The following GSK3B variants were observed in gnomAD, a reference collection of about 807,000 sequenced individuals.
GSK3B encodes the protein glycogen synthase kinase-3 beta.
Under a neutral mutation model 56.4 loss-of-function variants are expected in GSK3B, and 15 were observed. The ratio of observed to expected loss-of-function variants is 0.27; its 90% CI spans 0.18 to 0.41. GSK3B has a LOEUF of 0.41. Ranked by LOEUF, GSK3B falls within the 10% of genes least tolerant of loss-of-function variation. The pLI is 1.00. For missense variants in GSK3B, 300 were observed against 513.4 expected (o/e 0.58, Z 4.02); for synonymous variants, 181 against 188.9 (o/e 0.96, Z 0.34).
chr3:119,912,692 A>T lies in GSK3B; in HGVS notation c.715+12T>A. The T allele has an allele frequency of 8.5e-7, 1 of 1,178,762 alleles. No individual in the cohort carries two copies. The highest frequency in any genetic ancestry group is 1.3e-5 in the South Asian group (1 of 74,642). The allele number at this position is 1,178,762 out of a possible 1,614,324, so 73.0% of individuals were successfully genotyped here. On this transcript the variant is annotated intron_variant, in intron 6 of 10. Coordinates refer to ENST00000264235, the MANE Select transcript of GSK3B (RefSeq NM_001146156.2). ...TAATAATTATGAGCATTATATTCAG[A>T]TTTGTACTTACCTATACTAGAGGTA...
chr3:120,092,962 G>C (rs937893156), intron 1 of GSK3B, among the ~76,000 whole-genome samples: 2 of 152,128 alleles, frequency 1.3e-5, no homozygotes, highest in African/African-American at 4.8e-5. Flanking sequence ...TTCTGCAAAT[G>C]TGCATAATGG....
intron 1 of GSK3B, among the ~76,000 whole-genome samples, chr3:120,079,763 TTA>T (rs1413080073): frequency 5.9e-5 from 9 of 152,162 alleles, no homozygotes; most frequent in African/African-American, 2.2e-4. Context: ...TCAACTGAAT[TTA>T]AATAGAATTA....
chr3:119,952,802 T>A (rs1034067390), intron 2 of GSK3B, among the ~76,000 whole-genome samples: 1 of 151,710 alleles, frequency 6.6e-6, no homozygotes, highest in Non-Finnish European at 1.5e-5. Context: ...AATAAAGACA[T>A]CCTCACACTT....
chr3:119,919,499 A>C (rs1043489681), intron 4 of GSK3B, among the ~76,000 whole-genome samples: 1 of 150,942 alleles, frequency 6.6e-6, no homozygotes, highest in African/African-American at 2.4e-5. Context: ...CTGGCCTCTG[A>C]AAGCGCTGTG....
chr3:119,989,920 A>C (rs1490817580), intron 2 of GSK3B, among the ~76,000 whole-genome samples: 1 of 152,148 alleles, frequency 6.6e-6, no homozygotes, highest in Non-Finnish European at 1.5e-5. Context: ...TCCATCCCCT[A>C]GTCAGCAGGA....
chr3:119,866,606 A>G, intron 8 of GSK3B: 3 of 1,605,244 alleles, frequency 1.9e-6, no homozygotes, highest in Non-Finnish European at 2.6e-6. Context: ...TCCTGAGGTG[A>G]AATGTCCTGT....
chr3:120,036,199 A>T (rs2058021169), intron 1 of GSK3B, among the ~76,000 whole-genome samples: 1 of 152,220 alleles, frequency 6.6e-6, no homozygotes, highest in Non-Finnish European at 1.5e-5. Context: ...ACATATCTAT[A>T]GTCTACATAA....
intron 7 of GSK3B, among the ~76,000 whole-genome samples, chr3:119,899,449 G>A (rs1305225723): frequency 2.6e-5 from 4 of 152,038 alleles, no homozygotes. Flanking sequence ...TGAATGTAAA[G>A]TGCTTAACCC....
At chr3:120,039,694 T>C (rs1186700432) in intron 1 of GSK3B, among the ~76,000 whole-genome samples, 1 of 152,214 alleles carries the variant, frequency 6.6e-6, no homozygotes, top group Non-Finnish European at 1.5e-5. Context: ...GCTTAGATTG[T>C]GTAGTCCGAA....
At chr3:119,826,876 A>G (rs1559797945) in intron 10 of GSK3B, 21 bp from the exon 11 acceptor site, 2 of 1,513,338 alleles carry the variant, frequency 1.3e-6, no homozygotes, top group Admixed American at 1.7e-5. Context: ...AAAAGTCCCA[A>G]GAGAGAGCAT....
chr3:120,077,868 G>C (rs1288929324), intron 1 of GSK3B, among the ~76,000 whole-genome samples: 1 of 151,894 alleles, frequency 6.6e-6, no homozygotes, highest in Non-Finnish European at 1.5e-5. Context: ...GGAGGGCCTG[G>C]GATCAACATC....
intron 3 of GSK3B, among the ~76,000 whole-genome samples, chr3:119,943,504 A>C (rs1293318894): frequency 6.6e-6 from 1 of 152,214 alleles, no homozygotes; most frequent in Non-Finnish European, 1.5e-5. Context: ...CACAGAACTG[A>C]AGTCAAAGGT....
At chr3:120,031,483 C>T (rs1230004587) in intron 1 of GSK3B, among the ~76,000 whole-genome samples, 1 of 152,212 alleles carries the variant, frequency 6.6e-6, no homozygotes, top group Non-Finnish European at 1.5e-5. Context: ...AGAACTCATT[C>T]TCAAGTCCTT....
intron 10 of GSK3B, among the ~76,000 whole-genome samples, chr3:119,842,065 A>G (rs1036547232): frequency 6.6e-6 from 1 of 152,148 alleles, no homozygotes; most frequent in Non-Finnish European, 1.5e-5. Flanking sequence ...AGCTCCTGCC[A>G]TTAGCTTTTT....
At chr3:120,093,292 TTTC>T in intron 1 of GSK3B, 52 bp downstream of exon 1, 3 of 1,144,074 alleles carry the variant, frequency 2.6e-6, no homozygotes, top group South Asian at 2.5e-5. Context: ...TATTTCGAGG[TTTC>T]TTATTTTAAG....
At chr3:120,076,741 G>C (rs957361389) in intron 1 of GSK3B, among the ~76,000 whole-genome samples, 77 of 149,572 alleles carry the variant, frequency 5.1e-4, no homozygotes, top group African/African-American at 1.9e-3. Flanking sequence ...GTGAACCCGG[G>C]AGGCGGAGCT....
chr3:120,042,111 G>C (rs1363702303), intron 1 of GSK3B, among the ~76,000 whole-genome samples: 1 of 152,120 alleles, frequency 6.6e-6, no homozygotes, highest in Non-Finnish European at 1.5e-5. Flanking sequence ...TATGTCCCCA[G>C]ACACCAAAAA....
intron 3 of GSK3B, among the ~76,000 whole-genome samples, chr3:119,926,414 C>T (rs2056890117): frequency 6.6e-6 from 1 of 151,956 alleles, no homozygotes; most frequent in Admixed American, 6.6e-5. Flanking sequence ...ATGGTTCCAT[C>T]TTTAAAATTT....
At chr3:119,853,584 T>A (rs2055971708) in intron 9 of GSK3B, among the ~76,000 whole-genome samples, 1 of 152,200 alleles carries the variant, frequency 6.6e-6, no homozygotes, top group Admixed American at 6.5e-5. Flanking sequence ...GTTTGTGTCC[T>A]CTTTTATTTC....
Sources: allele counts gnomAD v4.1 joint callset (sites outside exome capture counted in the v4.1 genomes callset), GRCh38; gene constraint gnomAD v4.1.1; transcripts MANE v1.5; gene names NCBI Gene and HGNC (gene_info 2026-07-23, HGNC 2026-07-21).